OR52J3: variants seen among roughly 807,000 people sequenced by gnomAD.
OR52J3 encodes the protein olfactory receptor 52J3.
For missense variants in OR52J3, 450 were observed against 392.3 expected (o/e 1.15, Z -1.24); for synonymous variants, 159 against 142.9 (o/e 1.11, Z -0.80).
In OR52J3 at chr11:5,047,432, C is replaced by G. The variant is rs57026471; in HGVS notation, c.907C>G (p.Arg303Gly). The change falls in exon 1 of 1, where the codon CGA becomes GGA. Residue 303 changes from arginine to glycine, a missense_variant. Transcript: ENST00000380370. ...GGTGAGGACCAAACAGATTCGAGAA[C>G]GAGTGCTCTATGTTTTTACTAAAAA... ...YGVRTKQIRE[R>G]VLYVFTKK 6 of 1,599,206 alleles carry G rather than the reference C, an allele frequency of 3.8e-6. No individual in the cohort carries two copies. Among genetic ancestry groups the G allele is most frequent in the Non-Finnish European group, 5.1e-6 (6 of 1,176,722 alleles).
At position 5,046,785 on chromosome 11, in the gene OR52J3, T is replaced by C; in HGVS notation, c.260T>C (p.Phe87Ser). ...TCTGTGCCTCGCATGCTGGGTATCT[T>C]CTGGTTTGATGCTCACGAGATTAAC... The part of the protein sequence containing the change: ...TTSVPRMLGI[F>S]WFDAHEINYG... Residue 87 changes from phenylalanine to serine, a missense_variant, in exon 1 of 1, where the codon TTC becomes TCC. Transcript: ENST00000380370. 1 of 1,614,020 alleles carries C rather than the reference T, an allele frequency of 6.2e-7. No homozygotes were observed. The highest frequency in any genetic ancestry group is 2.2e-5 in the East Asian group (1 of 44,852).
At position 5,047,322 on chromosome 11, in the gene OR52J3, G is replaced by A; in HGVS notation, c.797G>A (p.Gly266Glu). 6.2e-7 allele frequency: 1 copy of A among 1,612,648 alleles called. No homozygotes were observed. The highest frequency in any genetic ancestry group is 1.1e-5 in the South Asian group (1 of 90,992). The change falls in exon 1 of 1, where the codon GGA becomes GAA. Residue 266 changes from glycine to glutamate, a missense_variant. Transcript: ENST00000380370. ...TTCTCTTTCCTTACTCATCGATTTG[G>A]ACACCAAATACCAGGTTACATTCAC... The part of the protein sequence containing the change: ...SVFSFLTHRF[G>E]HQIPGYIHIL...
Position 5,047,359 on chromosome 11 carries a change from C to A in OR52J3, c.834C>A (p.Ala278=), listed in dbSNP as rs1847565323. 6.2e-7 allele frequency: 1 copy of A among 1,612,836 alleles called. No individual in the cohort carries two copies. The highest frequency in any genetic ancestry group is 8.5e-7 in the Non-Finnish European group (1 of 1,179,788). Residue 278 remains alanine, a synonymous_variant, in exon 1 of 1, where the codon GCC becomes GCA. Transcript: ENST00000380370. The part of the protein sequence containing the change: ...QIPGYIHILV[A]NLYLIIPPSL... Reference sequence around the variant, plus strand: ...CAGGTTACATTCACATTCTTGTTGCCAATCTCTATTTGATTATCCCACCCT... The same window carrying A: ...CAGGTTACATTCACATTCTTGTTGCAAATCTCTATTTGATTATCCCACCCT...
rs766622164 is a variant in OR52J3, at chr11:5,046,909, C to T, written c.384C>T (p.Val128=). Residue 128 remains valine, a synonymous_variant, in exon 1 of 1, where the codon GTC becomes GTT. Transcript: ENST00000380370. ...LAMAFDRYVA[V]CAPLHYATIL... is the part of the protein sequence containing the mutation. The stretch of plus-strand genomic sequence containing the variant: ...TGGCTTTTGACCGTTATGTGGCCGT[C>T]TGTGCTCCACTACATTACGCAACCA... The T allele has an allele frequency of 6.2e-7, 1 of 1,613,792 alleles. No homozygotes were observed. Among genetic ancestry groups the T allele is most frequent in the South Asian group, 1.1e-5 (1 of 91,068 alleles).
chr11:5,047,237 G>A lies in OR52J3; in HGVS notation c.712G>A (p.Ala238Thr). The A allele has an allele frequency of 6.2e-7, 1 of 1,612,140 alleles. No individual in the cohort carries two copies. Among genetic ancestry groups the A allele is most frequent in the Non-Finnish European group, 8.5e-7 (1 of 1,179,642 alleles). The part of the protein sequence containing the change: ...RLPSHDAQLK[A>T]LSTCGAHVGV... ...CCCATCACATGATGCTCAGCTAAAA[G>A]CCCTAAGCACGTGTGGCGCTCATGT... is the stretch of plus-strand genomic sequence containing the variant. Residue 238 changes from alanine (A) to threonine (T), a missense_variant, in exon 1 of 1, where the codon GCC becomes ACC. By Grantham distance (58) the Ala-to-Thr change is moderately conservative. Transcript: ENST00000380370.
rs200867694 is a variant in OR52J3 at position 5,046,685 on chromosome 11, G to A, written c.160G>A (p.Glu54Lys). ...NATILLVIKV[E>K]QTLREPMFYF... ...CACCATTCTGCTAGTCATCAAGGTA[G>A]AACAGACTCTCCGGGAGCCCATGTT... The change falls in exon 1 of 1, where the codon GAA becomes AAA. Residue 54 changes from glutamate to lysine, a missense_variant. Glu to Lys is a moderately conservative substitution (Grantham distance 56). Coordinates refer to ENST00000380370, the MANE Select transcript of OR52J3 (RefSeq NM_001001916.2). 2.5e-6 allele frequency: 4 copies of A among 1,614,000 alleles called. No homozygotes were observed. The highest frequency in any genetic ancestry group is 2.7e-5 in the African/African-American group (2 of 74,998).
rs778250218 is a variant in OR52J3 at position 5,047,283 on chromosome 11, A to G, written c.758A>G (p.Tyr253Cys). ...CATGTTGGAGTCATCTGTGTTTTCT[A>G]TATCCCTTCAGTCTTCTCTTTCCTT... ...GAHVGVICVFYIPSVFSFLTH... is the reference protein window; with the variant it reads ...GAHVGVICVFCIPSVFSFLTH... The change falls in exon 1 of 1, where the codon TAT (tyrosine) becomes TGT (cysteine). Residue 253 changes from tyrosine to cysteine, a missense_variant. Tyr to Cys is a radical substitution (Grantham distance 194, BLOSUM62 -2). Transcript: ENST00000380370. The G allele has an allele frequency of 3.7e-6, 6 of 1,612,410 alleles. No individual in the cohort carries two copies. In the African/African-American group the frequency reaches 4.0e-5, roughly 11 times the overall value.
In OR52J3 at chr11:5,046,933, C is replaced by A. The variant is rs750016898; in HGVS notation, c.408C>A (p.Thr136=). 23 of 1,613,782 alleles carry A rather than the reference C, an allele frequency of 1.4e-5. No homozygotes were observed. Among genetic ancestry groups the A allele is most frequent in the Non-Finnish European group, 1.9e-5 (22 of 1,179,948 alleles). ...VAVCAPLHYA[T]ILTSQVLVGI... The stretch of plus-strand genomic sequence containing the variant: ...TCTGTGCTCCACTACATTACGCAAC[C>A]ATCTTGACATCCCAAGTGTTGGTGG... The change falls in exon 1 of 1, where the codon ACC becomes ACA. Residue 136 remains threonine, a synonymous_variant. Transcript: ENST00000380370.
chr11:5,046,895 C>T lies in OR52J3; in HGVS notation c.370C>T (p.Arg124Cys), dbSNP rs769984688. The change falls in exon 1 of 1, where the codon CGT becomes TGT. Residue 124 changes from arginine (R) to cysteine (C), a missense_variant. Coordinates refer to ENST00000380370, the MANE Select transcript of OR52J3 (RefSeq NM_001001916.2). Reference protein sequence around the residue: ...AEVLLAMAFDRYVAVCAPLHY... With the variant: ...AEVLLAMAFDCYVAVCAPLHY... ...GGTCTTACTGGCTATGGCTTTTGAC[C>T]GTTATGTGGCCGTCTGTGCTCCACT... The T allele has an allele frequency of 8.7e-6, 14 of 1,613,672 alleles. No homozygotes were observed. The highest frequency in any genetic ancestry group is 6.7e-5 in the Admixed American group (4 of 59,922).
In OR52J3 at chr11:5,047,100, G is replaced by T; in HGVS notation, c.575G>T (p.Gly192Val). ...EHMGIAKLSC[G>V]NIRINGIYGL... is the part of the protein sequence containing the mutation. ...ATGGGCATTGCAAAATTGTCCTGTG[G>T]AAACATTCGTATCAATGGTATCTAT... The change falls in exon 1 of 1, where the codon GGA (glycine) becomes GTA (valine). Residue 192 changes from glycine to valine, a missense_variant. Gly to Val is a moderately radical substitution (Grantham distance 109, BLOSUM62 -3). Transcript: ENST00000380370. The T allele has an allele frequency of 1.2e-6, 2 of 1,612,980 alleles. No homozygotes were observed. The highest frequency in any genetic ancestry group is 1.7e-6 in the Non-Finnish European group (2 of 1,179,772).
At position 5,046,872 on chromosome 11, in the gene OR52J3, T is replaced by A. The variant is rs1293589847; in HGVS notation, c.347T>A (p.Val116Asp). The A allele has an allele frequency of 6.2e-7, 1 of 1,613,826 alleles. No individual in the cohort carries two copies. Among genetic ancestry groups the A allele is most frequent in the South Asian group, 1.1e-5 (1 of 91,076 alleles). ...IHAFTGMEAEVLLAMAFDRYV... is the reference protein window; with the variant it reads ...IHAFTGMEAEDLLAMAFDRYV... Reference sequence around the variant, plus strand: ...GCCTTCACTGGCATGGAGGCTGAGGTCTTACTGGCTATGGCTTTTGACCGT... The same window carrying A: ...GCCTTCACTGGCATGGAGGCTGAGGACTTACTGGCTATGGCTTTTGACCGT... Residue 116 changes from valine to aspartate, a missense_variant, in exon 1 of 1, where the codon GTC (valine) becomes GAC (aspartate). Transcript: ENST00000380370.
rs373346190 is a variant in OR52J3 at position 5,047,383 on chromosome 11, C to T, written c.858C>T (p.Pro286=). 2.5e-6 allele frequency: 4 copies of T among 1,611,894 alleles called. No homozygotes were observed. Among genetic ancestry groups the T allele is most frequent in the Non-Finnish European group, 3.4e-6 (4 of 1,179,760 alleles). Residue 286 remains proline (P), a synonymous_variant, in exon 1 of 1, where the codon CCC becomes CCT. Coordinates refer to ENST00000380370, the MANE Select transcript of OR52J3 (RefSeq NM_001001916.2). ...CCAATCTCTATTTGATTATCCCACC[C>T]TCTCTCAACCCCATCATTTATGGGG... ...LVANLYLIIP[P]SLNPIIYGVR...
Position 5,046,549 on chromosome 11 carries a change from A to G in OR52J3, c.24A>G (p.Ile8Met), listed in dbSNP as rs1233454406. 3 of 1,613,710 alleles carry G rather than the reference A, an allele frequency of 1.9e-6. No homozygotes were observed. The highest frequency in any genetic ancestry group is 2.5e-6 in the Non-Finnish European group (3 of 1,179,836). ...AAATGTTTTATCACAACAAGAGCAT[A>G]TTTCACCCAGTCACATTTTTCCTCA... MFYHNKS[I>M]FHPVTFFLIG... Residue 8 changes from isoleucine (I) to methionine (M), a missense_variant, in exon 1 of 1, where the codon ATA becomes ATG. Transcript: ENST00000380370.
rs756550194 is a variant in OR52J3 at position 5,047,280 on chromosome 11, T to C, written c.755T>C (p.Phe252Ser). The C allele has an allele frequency of 2.5e-6, 4 of 1,613,018 alleles. No homozygotes were observed. In the South Asian group the frequency reaches 3.3e-5, roughly 13 times the overall value. Residue 252 changes from phenylalanine (F) to serine (S), a missense_variant, in exon 1 of 1, where the codon TTC becomes TCC. By Grantham distance (155) the Phe-to-Ser change is radical. Transcript: ENST00000380370. ...GCTCATGTTGGAGTCATCTGTGTTT[T>C]CTATATCCCTTCAGTCTTCTCTTTC... ...CGAHVGVICV[F>S]YIPSVFSFLT...
Position 5,046,663 on chromosome 11 carries a change from C to T in OR52J3, c.138C>T (p.Thr46=). The T allele has an allele frequency of 2.5e-6, 4 of 1,614,028 alleles. No individual in the cohort carries two copies. The highest frequency in any genetic ancestry group is 3.4e-6 in the Non-Finnish European group (4 of 1,179,964). ...TTGTGGCTTTGCTGGGCAATGCCAC[C>T]ATTCTGCTAGTCATCAAGGTAGAAC... ...VYLVALLGNA[T]ILLVIKVEQT... The change falls in exon 1 of 1, where the codon ACC becomes ACT. Residue 46 remains threonine (T), a synonymous_variant. Coordinates refer to ENST00000380370, the MANE Select transcript of OR52J3 (RefSeq NM_001001916.2).
Position 5,046,935 on chromosome 11 carries a change from T to C in OR52J3, c.410T>C (p.Ile137Thr), listed in dbSNP as rs1295249135. 6.2e-7 allele frequency: 1 copy of C among 1,613,790 alleles called. No individual in the cohort carries two copies. The highest frequency in any genetic ancestry group is 8.5e-7 in the Non-Finnish European group (1 of 1,179,950). ...AVCAPLHYAT[I>T]LTSQVLVGIS... ...TGTGCTCCACTACATTACGCAACCA[T>C]CTTGACATCCCAAGTGTTGGTGGGC... Residue 137 changes from isoleucine (I) to threonine (T), a missense_variant, in exon 1 of 1, where the codon ATC becomes ACC. Transcript: ENST00000380370.
At position 5,047,358 on chromosome 11, in the gene OR52J3, C is replaced by A. The variant is rs762846044; in HGVS notation, c.833C>A (p.Ala278Asp). ...CCAGGTTACATTCACATTCTTGTTG[C>A]CAATCTCTATTTGATTATCCCACCC... ...QIPGYIHILVANLYLIIPPSL... is the reference protein window; with the variant it reads ...QIPGYIHILVDNLYLIIPPSL... Residue 278 changes from alanine to aspartate, a missense_variant, in exon 1 of 1, where the codon GCC becomes GAC. Coordinates refer to ENST00000380370, the MANE Select transcript of OR52J3 (RefSeq NM_001001916.2). The A allele has an allele frequency of 1.2e-6, 2 of 1,613,006 alleles. No individual in the cohort carries two copies. The highest frequency in any genetic ancestry group is 1.7e-6 in the Non-Finnish European group (2 of 1,179,808).
rs559089699 is a variant in OR52J3 at position 5,047,392 on chromosome 11, C to T, written c.867C>T (p.Asn289=). The T allele has an allele frequency of 4.3e-6, 7 of 1,611,512 alleles. No homozygotes were observed. In the African/African-American group the frequency reaches 6.7e-5, roughly 15 times the overall value. Residue 289 remains asparagine (N), a synonymous_variant, in exon 1 of 1, where the codon AAC becomes AAT. Transcript: ENST00000380370. ...NLYLIIPPSL[N]PIIYGVRTKQ... ...ATTTGATTATCCCACCCTCTCTCAA[C>T]CCCATCATTTATGGGGTGAGGACCA...
At position 5,046,770 on chromosome 11, in the gene OR52J3, G is replaced by T. The variant is rs570638059; in HGVS notation, c.245G>T (p.Arg82Leu). ...GCCCTTTCTACAACCTCTGTGCCTCGCATGCTGGGTATCTTCTGGTTTGAT... is the reference window on the plus strand; with the variant it reads ...GCCCTTTCTACAACCTCTGTGCCTCTCATGCTGGGTATCTTCTGGTTTGAT... ...DLALSTTSVP[R>L]MLGIFWFDAH... Residue 82 changes from arginine (R) to leucine (L), a missense_variant, in exon 1 of 1, where the codon CGC becomes CTC. By Grantham distance (102) the Arg-to-Leu change is moderately radical. Coordinates refer to ENST00000380370, the MANE Select transcript of OR52J3 (RefSeq NM_001001916.2). The T allele has an allele frequency of 5.0e-6, 8 of 1,613,720 alleles. No homozygotes were observed. The highest frequency in any genetic ancestry group is 3.3e-5 in the Admixed American group (2 of 59,928).
Sources: gnomAD v4.1 joint callset for allele counts on GRCh38, gnomAD v4.1.1 for gene constraint, MANE v1.5 for transcripts, NCBI Gene and HGNC (gene_info 2026-07-23, HGNC 2026-07-21) for gene names.